Variants in ANK2 observed in about 807,000 individuals in gnomAD.
ANK2 encodes ankyrin-2.
In ANK2, 83 loss-of-function variants were observed where a neutral mutation model predicts 360.5. That is an observed-to-expected ratio of 0.23 (90% CI 0.19 to 0.28). The LOEUF is 0.28. Among genes scored for constraint, ANK2 ranks in the 10% least tolerant of loss-of-function variants. ANK2 has a pLI of 1.00. For missense variants in ANK2, 4,201 were observed against 4,795.7 expected, an observed-to-expected ratio of 0.88 and a Z score of 3.66; for synonymous variants, 1,740 against 1,759.5, an observed-to-expected ratio of 0.99 and a Z score of 0.28.
chr4:112,716,484 T>G, the ANK2 span, among the ~76,000 whole-genome samples: 2 of 152,146 alleles, frequency 1.3e-5, no homozygotes, highest in Non-Finnish European at 2.9e-5. Flanking sequence ...TATGCTATTG[T>G]GAAAAAATAT....
At chr4:113,168,887 C>A (rs2097847696) in intron 1 of ANK2, among the ~76,000 whole-genome samples, 1 of 152,182 alleles carries the variant, frequency 6.6e-6, no homozygotes, top group Admixed American at 6.5e-5. Flanking sequence ...TCAGATATCA[C>A]AAAGAGAGTT....
intron 2 of ANK2, among the ~76,000 whole-genome samples, chr4:113,020,448 GCCT>G (rs1202753603): frequency 1.3e-5 from 2 of 152,114 alleles, no homozygotes; most frequent in Non-Finnish European, 2.9e-5. Flanking sequence ...TCCCCACTTT[GCCT>G]CCTCAAGTGT....
chr4:113,042,033 T>C (rs368194022), intron 2 of ANK2, among the ~76,000 whole-genome samples: 1 of 152,250 alleles, frequency 6.6e-6, no homozygotes, highest in African/African-American at 2.4e-5. Context: ...GATTTCTGAG[T>C]GTGTCTGTGA....
At chr4:112,862,231 A>C (rs1312223789) in intron 1 of ANK2, among the ~76,000 whole-genome samples, 1 of 152,248 alleles carries the variant, frequency 6.6e-6, no homozygotes, top group Non-Finnish European at 1.5e-5. Flanking sequence ...AAAAATAGGA[A>C]GGAAGAGCTT....
chr4:113,172,453 A>G (rs1405762896), intron 1 of ANK2, among the ~76,000 whole-genome samples: 1 of 152,190 alleles, frequency 6.6e-6, no homozygotes, highest in East Asian at 1.9e-4. Context: ...ATGTGTGTAA[A>G]TACGTGACTC....
chr4:112,726,643 A>G, the ANK2 span, among the ~76,000 whole-genome samples: 1 of 152,076 alleles, frequency 6.6e-6, no homozygotes, highest in Non-Finnish European at 1.5e-5. Flanking sequence ...CAAGGTCAGG[A>G]GATCGAGACC....
chr4:113,124,761 T>C lies in ANK2; in HGVS notation c.85-49655T>C, dbSNP rs59437614. On this transcript the variant is annotated intron_variant, in intron 1 of 45. Coordinates refer to ENST00000357077, the MANE Select transcript of ANK2 (RefSeq NM_001148.6). ...TTAGCCTTTTTCTAGAGAAATTATTTCATTGTATATCATTATTATGTTGCT... is the reference window on the plus strand; with the variant it reads ...TTAGCCTTTTTCTAGAGAAATTATTCCATTGTATATCATTATTATGTTGCT... Among the ~76,000 whole-genome samples the C allele has an allele frequency of 5.3e-5, 8 of 152,324 alleles. No individual in the cohort carries two copies. The East Asian group carries it at 1.5e-3, about 29-fold the overall frequency.
intron 1 of ANK2, among the ~76,000 whole-genome samples, chr4:113,161,813 T>C (rs2097546510): frequency 6.6e-6 from 1 of 151,940 alleles, no homozygotes; most frequent in Non-Finnish European, 1.5e-5. Flanking sequence ...TGGGTCAGCA[T>C]TATTCCCTTC....
the ANK2 span, among the ~76,000 whole-genome samples, chr4:112,733,801 G>T: frequency 2.0e-5 from 3 of 152,192 alleles, no homozygotes; most frequent in African/African-American, 7.2e-5. Context: ...TTGAGACGGA[G>T]TCTCACCTTG....
chr4:113,189,903 A>C (rs2098628957), intron 2 of ANK2, among the ~76,000 whole-genome samples: 1 of 152,176 alleles, frequency 6.6e-6, no homozygotes, highest in Non-Finnish European at 1.5e-5. Flanking sequence ...AGATGGGTTC[A>C]TTGAAATGTT....
intron 1 of ANK2, among the ~76,000 whole-genome samples, chr4:112,863,768 C>CG (rs1296928255): frequency 1.3e-5 from 2 of 151,916 alleles, no homozygotes; most frequent in Admixed American, 1.3e-4. Flanking sequence ...GTGATCCTCC[C>CG]GCCTCGGCCT....
rs137962231 is a variant in ANK2 at position 113,236,534 on chromosome 4, A to G, written c.484-453A>G. 4.7e-3 allele frequency among the ~76,000 whole-genome samples: 710 copies of G among 152,332 alleles called. 2 individuals carry two copies. Among genetic ancestry groups the G allele is most frequent in the African/African-American group, 0.016 (663 of 41,578 alleles). ...TCCCCAGGGGCTGTTTTCCCTAACC[A>G]TTCAGATATATTTAATAACCTGCAT... On this transcript the variant is annotated intron_variant, in intron 5 of 45. Coordinates refer to ENST00000357077, the MANE Select transcript of ANK2 (RefSeq NM_001148.6).
chr4:113,234,149 C>T (rs777523661), intron 5 of ANK2, among the ~76,000 whole-genome samples: 1 of 152,184 alleles, frequency 6.6e-6, no homozygotes, highest in Non-Finnish European at 1.5e-5. Flanking sequence ...GAACTCAGCT[C>T]GCTGGCATTC....
chr4:113,279,127 C>T (rs985410727), intron 17 of ANK2, among the ~76,000 whole-genome samples: 6 of 152,018 alleles, frequency 3.9e-5, no homozygotes, highest in African/African-American at 7.3e-5. Flanking sequence ...AGGGCATTTC[C>T]CACCATTCTA....
In ANK2 at chr4:112,844,071, G is replaced by A. The variant is rs572540474; in HGVS notation, c.-40+25807G>A. 3.3e-5 allele frequency among the ~76,000 whole-genome samples: 5 copies of A among 152,308 alleles called. No individual in the cohort carries two copies. In the East Asian group the frequency reaches 9.6e-4, roughly 29 times the overall value. On this transcript the variant is annotated intron_variant, in intron 1 of 30. Coordinates refer to the ANK2 transcript ENST00000503271. ...ATCCTTTGAATGTTTTTCAAGATGT[G>A]TGGAAAAATTTACTATTGTGAATAG... is the stretch of plus-strand genomic sequence containing the variant.
intron 2 of ANK2, among the ~76,000 whole-genome samples, chr4:112,974,113 T>G (rs2040537389): frequency 6.6e-6 from 1 of 152,194 alleles, no homozygotes; most frequent in Non-Finnish European, 1.5e-5. Context: ...ACCCATCTGC[T>G]GGGAGTTTGT....
chr4:112,861,869 A>AGAG (rs773734914), intron 1 of ANK2, among the ~76,000 whole-genome samples: 9 of 69,210 alleles, frequency 1.3e-4, no homozygotes, highest in African/African-American at 2.1e-4. Context: ...GAGAGAGAGA[A>AGAG]ACTCTCACAG....
the ANK2 span, among the ~76,000 whole-genome samples, chr4:112,777,860 C>T: frequency 9.3e-4 from 141 of 151,778 alleles, no homozygotes; most frequent in Non-Finnish European, 1.6e-3. Context: ...TCAGGTGATC[C>T]GCCCGCCTCG....
At chr4:112,985,519 T>C (rs1293826973) in intron 2 of ANK2, among the ~76,000 whole-genome samples, 2 of 152,210 alleles carry the variant, frequency 1.3e-5, no homozygotes, top group Non-Finnish European at 2.9e-5. Context: ...AAAGTTTGTA[T>C]TGAGCACAAT....
Sources: allele counts gnomAD v4.1 joint callset (sites outside exome capture counted in the v4.1 genomes callset), GRCh38; gene constraint gnomAD v4.1.1; transcripts MANE v1.5; gene names NCBI Gene and HGNC (gene_info 2026-07-23, HGNC 2026-07-21).